The following CLCN5 variants were observed in gnomAD, a reference collection of about 807,000 sequenced individuals.
CLCN5 encodes Cl-/H+ antiporter 5.
Under a neutral mutation model 54.0 loss-of-function variants are expected in CLCN5, and 17 were observed. The ratio of observed to expected loss-of-function variants is 0.31; its 90% CI spans 0.22 to 0.47. The LOEUF is 0.47. Among genes scored for constraint, CLCN5 ranks in the 20% least tolerant of loss-of-function variants. The pLI is 1.00. For synonymous variants in CLCN5, 222 were observed against 233.0 expected (o/e 0.95, Z 0.43); for missense variants, 448 against 646.7 (o/e 0.69, Z 3.33).
intron 3 of CLCN5, among the ~76,000 whole-genome samples, chrX:49,930,056 G>GA (rs1925566342): frequency 1.8e-5 from 2 of 111,476 alleles, no homozygotes; most frequent in Admixed American, 1.9e-4. Context: ...TATTTTACTA[G>GA]AAAAATGTAC....
chrX:49,965,972 C>T (rs113570172), intron 3 of CLCN5, among the ~76,000 whole-genome samples: 4,960 of 111,469 alleles, frequency 0.044, 291 homozygotes, highest in African/African-American at 0.15. Flanking sequence ...TCTTGATTAT[C>T]GGCTTTATAT....
intron 3 of CLCN5, among the ~76,000 whole-genome samples, chrX:49,962,986 T>C (rs1020224835): frequency 9.0e-6 from 1 of 111,629 alleles, no homozygotes; most frequent in African/African-American, 3.3e-5. Context: ...GGTACAGACT[T>C]AATGAGCAGC....
At position 49,963,852 on chromosome X, in the gene CLCN5, T is replaced by C. The variant is rs56880307; in HGVS notation, c.16+38538T>C. Among the ~76,000 whole-genome samples, 33 of 112,542 alleles carry C rather than the reference T, an allele frequency of 2.9e-4. No individual in the cohort carries two copies. In the East Asian group the frequency reaches 9.0e-3, roughly 31 times the overall value. On this transcript the variant is annotated intron_variant, in intron 3 of 14. Coordinates refer to ENST00000376091, the MANE Select transcript of CLCN5 (RefSeq NM_001127898.4). ...ATCATTTTGACAGAAACCAAAACTT[T>C]AATTCTGCTGTTTTTGAAGTAAACT...
At chrX:49,930,596 A>T (rs1925591433) in intron 3 of CLCN5, among the ~76,000 whole-genome samples, 1 of 111,313 alleles carries the variant, frequency 9.0e-6, no homozygotes, top group Non-Finnish European at 1.9e-5. Context: ...GCAGATTCCG[A>T]ACTGTTGATA....
At chrX:50,016,628 T>G (rs1930802936) in intron 3 of CLCN5, among the ~76,000 whole-genome samples, 1 of 109,883 alleles carries the variant, frequency 9.1e-6, no homozygotes, top group Admixed American at 9.8e-5. Context: ...CTTTGTGTTA[T>G]ATACTCTATG....
Position 50,090,128 on chromosome X carries a change from G to A in CLCN5, c.1757G>A (p.Arg586Gln). 8.3e-7 allele frequency: 1 copy of A among 1,210,802 alleles called. No individual in the cohort carries two copies. Residue 586 changes from arginine (R) to glutamine (Q), a missense_variant, in exon 13 of 15, where the codon CGG becomes CAG. Arg to Gln is a conservative substitution (Grantham distance 43, BLOSUM62 1). This residue lies in a region of CLCN5 where 297 missense variants were observed against 470.4 expected (regional missense o/e 0.63). Coordinates refer to ENST00000376091, the MANE Select transcript of CLCN5 (RefSeq NM_001127898.4). The part of the protein sequence containing the change: ...GAAACLGGVT[R>Q]MTVSLVVIMF... ...TATTTCTTTGCAGGTGGGGTGACTCGGATGACTGTTTCTCTTGTTGTCATA... is the reference window on the plus strand; with the variant it reads ...TATTTCTTTGCAGGTGGGGTGACTCAGATGACTGTTTCTCTTGTTGTCATA...
chrX:49,964,540 CTA>C (rs1428222684), intron 3 of CLCN5, among the ~76,000 whole-genome samples: 1 of 111,053 alleles, frequency 9.0e-6, no homozygotes, highest in African/African-American at 3.3e-5. Context: ...TGAATGGACT[CTA>C]TTTCCACAAT....
chrX:50,013,154 CAA>C, intron 3 of CLCN5: 1 of 258,741 alleles, frequency 3.9e-6, no homozygotes, highest in Non-Finnish European at 7.6e-6. Flanking sequence ...ATCAATCAAT[CAA>C]TCTCTCTCCT....
At position 50,018,459 on chromosome X, in the gene CLCN5, T is replaced by A. The variant is rs1441807959; in HGVS notation, c.17-23857T>A. On this transcript the variant is annotated intron_variant, in intron 3 of 14. Transcript: ENST00000376091. Reference sequence around the variant, plus strand: ...TCTGTGTATCTTTTACTTCCCTTCCTTGTCTTTTTTGCATTAGCTAGGTCT... The same window carrying A: ...TCTGTGTATCTTTTACTTCCCTTCCATGTCTTTTTTGCATTAGCTAGGTCT... Among the ~76,000 whole-genome samples, 3 of 112,377 alleles carry A rather than the reference T, an allele frequency of 2.7e-5. No individual in the cohort carries two copies. In the Admixed American group the frequency reaches 2.8e-4, roughly 11 times the overall value.
intron 2 of CLCN5, chrX:49,923,766 T>C (rs1308218302): frequency 8.9e-6 from 1 of 112,141 alleles, no homozygotes; most frequent in Non-Finnish European, 1.9e-5. Context: ...TTCTTGGACT[T>C]CGCGAACTTT....
chrX:50,059,991 G>C (rs782713899), intron 4 of CLCN5, among the ~76,000 whole-genome samples: 6 of 104,327 alleles, frequency 5.8e-5, no homozygotes, highest in Non-Finnish European at 5.9e-5. Flanking sequence ...GATAATATAA[G>C]TGAATTCTTT....
rs1481461639 is a variant in CLCN5 at position 50,084,367 on chromosome X, G to GT, written c.934-1605dup. On this transcript the variant is annotated intron_variant, in intron 9 of 14. Coordinates refer to ENST00000376091, the MANE Select transcript of CLCN5 (RefSeq NM_001127898.4). ...GTGGTGCGTGACAGTATTTGAATTG[G>GT]TTTTTTTTGTTTTTGTTTTTGTTTT... Among the ~76,000 whole-genome samples, 17 of 110,231 alleles carry GT rather than the reference G, an allele frequency of 1.5e-4. No homozygotes were observed. The South Asian group carries it at 4.2e-3, about 28-fold the overall frequency.
intron 4 of CLCN5, among the ~76,000 whole-genome samples, chrX:50,052,890 A>G (rs1448142460): frequency 2.7e-5 from 3 of 111,985 alleles, no homozygotes; most frequent in Non-Finnish European, 5.6e-5. Context: ...TTTACAGTGT[A>G]TACGTATATA....
chrX:50,057,389 C>T lies in CLCN5; in HGVS notation c.164-12490C>T, dbSNP rs1932770010. Among the ~76,000 whole-genome samples the T allele has an allele frequency of 3.5e-5, 3 of 84,984 alleles. No homozygotes were observed. In the Admixed American group the frequency reaches 3.7e-4, roughly 10 times the overall value. The allele number at this position is 84,984 out of a possible 115,157, so 73.8% of individuals were successfully genotyped here. ...AGCATAATGTGGTCCTGGATAGATACTATCCAGGACTCTCCTGGATAGATA... is the reference window on the plus strand; with the variant it reads ...AGCATAATGTGGTCCTGGATAGATATTATCCAGGACTCTCCTGGATAGATA... On this transcript the variant is annotated intron_variant, in intron 4 of 14. Transcript: ENST00000376091.
intron 3 of CLCN5, among the ~76,000 whole-genome samples, chrX:50,031,032 A>G (rs1414570824): frequency 8.9e-6 from 1 of 111,900 alleles, no homozygotes; most frequent in Non-Finnish European, 1.9e-5. Flanking sequence ...TACACTTCAC[A>G]TTTATGACAC....
At position 50,010,463 on chromosome X, in the gene CLCN5, A is replaced by C. The variant is rs1930445535; in HGVS notation, c.17-31853A>C. ...TCACTATGTTGCCCAAGCTGGTCTC[A>C]AACTCCTAGGCTCAAGCAGTCCACC... On this transcript the variant is annotated intron_variant, in intron 3 of 14. Coordinates refer to ENST00000376091, the MANE Select transcript of CLCN5 (RefSeq NM_001127898.4). Among the ~76,000 whole-genome samples the C allele has an allele frequency of 2.7e-5, 3 of 111,039 alleles. No individual in the cohort carries two copies. In the South Asian group the frequency reaches 1.1e-3, roughly 42 times the overall value.
At chrX:49,958,916 A>G in intron 3 of CLCN5, among the ~76,000 whole-genome samples, 1 of 112,003 alleles carries the variant, frequency 8.9e-6, no homozygotes, top group Non-Finnish European at 1.9e-5. Context: ...GTTCACATAT[A>G]TCTTCTACTT....
At chrX:49,957,519 TTCTACCTTTA>T (rs1298659930) in intron 3 of CLCN5, among the ~76,000 whole-genome samples, 2 of 111,943 alleles carry the variant, frequency 1.8e-5, no homozygotes, top group East Asian at 5.6e-4. Context: ...CAATGGTGAG[TTCTACCTTTA>T]TCTCCATTAC....
At chrX:50,018,151 G>GT (rs1452442469) in intron 3 of CLCN5, among the ~76,000 whole-genome samples, 1 of 111,676 alleles carries the variant, frequency 9.0e-6, no homozygotes, top group African/African-American at 3.2e-5. Context: ...TTTCATCTGA[G>GT]TTTTGTAGTT....
Sources: allele counts gnomAD v4.1 joint callset (sites outside exome capture counted in the v4.1 genomes callset), GRCh38; gene constraint gnomAD v4.1.1; regional missense constraint gnomAD v4.1.1; transcripts MANE v1.5; gene names NCBI Gene and HGNC (gene_info 2026-07-23, HGNC 2026-07-21).